SEC63: variants seen among roughly 807,000 people sequenced by gnomAD.
SEC63 encodes the protein translocation protein SEC63 homolog.
SEC63 carries 56 observed loss-of-function variants against 116.2 expected under a neutral mutation model. The ratio of observed to expected loss-of-function variants is 0.48; its 90% CI spans 0.39 to 0.60. The LOEUF (loss-of-function observed/expected upper bound fraction) is 0.60, where lower values mean the gene tolerates loss of function less well. Among genes scored for constraint, SEC63 ranks in the 20% least tolerant of loss-of-function variants. The probability of loss-of-function intolerance (pLI) is 0.00; values close to 1 mark genes in which losing one functional copy is unlikely to be tolerated. For synonymous variants in SEC63, 273 were observed against 294.6 expected (o/e 0.93, Z 0.75); for missense variants, 668 against 900.0 (o/e 0.74, Z 3.30).
Position 107,913,346 on chromosome 6 carries a change from A to G in SEC63, c.514+20T>C. 1 of 1,490,454 alleles carries G rather than the reference A, an allele frequency of 6.7e-7. No homozygotes were observed. 92.3% of individuals were successfully genotyped at this position (1,490,454 alleles called of 1,614,324 possible). A position where few individuals can be genotyped will look rare whatever the true frequency, so the allele number is the denominator to read the frequency against. On this transcript the variant is annotated intron_variant, in intron 5 of 20. Coordinates refer to ENST00000369002, the MANE Select transcript of SEC63 (RefSeq NM_007214.5). ...ATATATACCATATCGCCAATATTTTAAAATCATCATTTACCACACCTTGAG... is the reference window on the plus strand; with the variant it reads ...ATATATACCATATCGCCAATATTTTGAAATCATCATTTACCACACCTTGAG...
intron 1 of SEC63, chr6:107,954,468 AAAAAAAAAAAAATC>A (rs1223630680): frequency 8.9e-6 from 1 of 112,060 alleles, no homozygotes; most frequent in East Asian, 2.6e-4. Context: ...ATCAATTAAA[AAAAAAAAAAAAATC>A]AAAAAAAAAA....
chr6:107,869,336 G>C lies in SEC63; in HGVS notation c.*2368C>G, dbSNP rs1415491160. 2.6e-5 allele frequency: 4 copies of C among 152,186 alleles called. No homozygotes were observed. Among genetic ancestry groups the C allele is most frequent in the African/African-American group, 4.8e-5 (2 of 41,438 alleles). The allele number at this position is 152,186 out of a possible 1,614,324, so 9.4% of individuals were successfully genotyped here. ...ATACACAACTGCTACACTTTGAATTGTGGTAAGTCTCCTCATGAACAGCTG... is the reference window on the plus strand; with the variant it reads ...ATACACAACTGCTACACTTTGAATTCTGGTAAGTCTCCTCATGAACAGCTG... On this transcript the variant is annotated 3_prime_UTR_variant, in exon 21 of 21. Transcript: ENST00000369002.
intron 2 of SEC63, among the ~76,000 whole-genome samples, chr6:107,928,018 T>C (rs757720807): frequency 6.6e-6 from 1 of 152,262 alleles, no homozygotes; most frequent in South Asian, 2.1e-4. Context: ...GAGGGGCGGA[T>C]TGTTTTCTGT....
At chr6:107,917,755 C>T (rs764637474) in intron 4 of SEC63, among the ~76,000 whole-genome samples, 2 of 152,164 alleles carry the variant, frequency 1.3e-5, no homozygotes, top group Non-Finnish European at 2.9e-5. Context: ...AAGGCCCTAA[C>T]GAAGGCTGAG....
chr6:107,952,470 A>G (rs753485428), intron 1 of SEC63, among the ~76,000 whole-genome samples: 3 of 152,154 alleles, frequency 2.0e-5, no homozygotes, highest in African/African-American at 4.8e-5. Context: ...AAGATTAGTT[A>G]AACTGGGCCG....
intron 1 of SEC63, among the ~76,000 whole-genome samples, chr6:107,953,250 G>C (rs1031267923): frequency 6.6e-6 from 1 of 152,206 alleles, no homozygotes; most frequent in African/African-American, 2.4e-5. Flanking sequence ...ACAGAGCAAG[G>C]CTCCATCTCA....
chr6:107,958,057 A>G lies in SEC63; in HGVS notation c.-48T>C, dbSNP rs1423124353. On this transcript the variant is annotated 5_prime_UTR_variant, in exon 1 of 21. Transcript: ENST00000369002. ...TCTTCTCACCGCCGCCGCCACGACC[A>G]CGCTCTGCACTCCCGCTCCCAACGC... The G allele has an allele frequency of 6.3e-7, 1 of 1,599,672 alleles. No individual in the cohort carries two copies. The highest frequency in any genetic ancestry group is 1.1e-5 in the South Asian group (1 of 90,402).
intron 14 of SEC63, among the ~76,000 whole-genome samples, chr6:107,895,059 C>T (rs1255568386): frequency 1.3e-5 from 2 of 152,198 alleles, no homozygotes; most frequent in Non-Finnish European, 2.9e-5. Flanking sequence ...TAACTTCCTC[C>T]TTTCACTTAT....
At chr6:107,873,518 G>C (rs977695421) in intron 19 of SEC63, among the ~76,000 whole-genome samples, 1 of 151,874 alleles carries the variant, frequency 6.6e-6, no homozygotes, top group South Asian at 2.1e-4. Context: ...TTACAGTCAA[G>C]ATTAAATATT....
At chr6:107,908,112 T>A (rs1462272711) in intron 8 of SEC63, among the ~76,000 whole-genome samples, 3 of 152,224 alleles carry the variant, frequency 2.0e-5, no homozygotes, top group Non-Finnish European at 4.4e-5. Context: ...TCTCTCTCAT[T>A]ACTAAGAAAA....
chr6:107,912,339 CT>C (rs1440303204), intron 6 of SEC63, among the ~76,000 whole-genome samples: 6 of 152,174 alleles, frequency 3.9e-5, no homozygotes, highest in Admixed American at 3.9e-4. Context: ...TGGTGGGAGG[CT>C]GAGGCAGGCA....
chr6:107,875,515 G>A (rs1358241827), intron 19 of SEC63, among the ~76,000 whole-genome samples: 2 of 152,098 alleles, frequency 1.3e-5, no homozygotes, highest in Non-Finnish European at 1.5e-5. Flanking sequence ...TAGGCAACAT[G>A]GGTAAACCCT....
In SEC63 at chr6:107,883,090, T is replaced by A. The variant is rs1464359550; in HGVS notation, c.1731A>T (p.Glu577Asp). 10 of 1,612,988 alleles carry A rather than the reference T, an allele frequency of 6.2e-6. No homozygotes were observed. Among genetic ancestry groups the A allele is most frequent in the Non-Finnish European group, 7.6e-6 (9 of 1,179,560 alleles). Residue 577 changes from glutamate (E) to aspartate (D), a missense_variant, in exon 17 of 21, where the codon GAA becomes GAT. Coordinates refer to ENST00000369002, the MANE Select transcript of SEC63 (RefSeq NM_007214.5). ...EEVSDKGSDS[E>D]EEETNRDSQS... is the part of the protein sequence containing the mutation. ...GGGAATCTCTATTGGTTTCTTCTTC[T>A]TCAGAATCACTGCCCTTATCTGAAA...
rs55814816 is a variant in SEC63, at chr6:107,893,107, TACACAC to T, written c.1674+369_1674+374del. Among the ~76,000 whole-genome samples, 616 of 145,906 alleles carry T rather than the reference TACACAC, an allele frequency of 4.2e-3. 3 individuals carry two copies. The highest frequency in any genetic ancestry group is 0.014 in the Middle Eastern group (4 of 292). On this transcript the variant is annotated intron_variant, in intron 16 of 20. Transcript: ENST00000369002. ...GGTATATTCATACAATGAAATACTA[TACACAC>T]ACACACACACACACACACACACACA...
intron 1 of SEC63, among the ~76,000 whole-genome samples, chr6:107,939,635 T>C (rs1770330660): frequency 1.3e-5 from 2 of 151,996 alleles, no homozygotes. Context: ...CACCTGTTAC[T>C]GGGGATGCTG....
rs1416849034 is a variant in SEC63, at chr6:107,958,178, CT to C, written c.-170del. 4.9e-6 allele frequency: 5 copies of C among 1,020,102 alleles called. No individual in the cohort carries two copies. Among genetic ancestry groups the C allele is most frequent in the Non-Finnish European group, 7.2e-6 (5 of 693,142 alleles). 63.2% of individuals were successfully genotyped at this position (1,020,102 alleles called of 1,614,324 possible). A position where few individuals can be genotyped will look rare whatever the true frequency, so the allele number is the denominator to read the frequency against. On this transcript the variant is annotated 5_prime_UTR_variant, in exon 1 of 21. Coordinates refer to ENST00000369002, the MANE Select transcript of SEC63 (RefSeq NM_007214.5). ...GGACACGCCGCCGCCACCTCTGCCG[CT>C]GCCGCCGCCGTCGCCAGCTCTCGCG...
chr6:107,942,819 C>T (rs1477023874), intron 1 of SEC63, among the ~76,000 whole-genome samples: 3 of 152,190 alleles, frequency 2.0e-5, no homozygotes, highest in Non-Finnish European at 4.4e-5. Flanking sequence ...TTAAGAAAAT[C>T]ATAAGGAAGA....
chr6:107,909,527 CT>C (rs1410943490), intron 7 of SEC63, among the ~76,000 whole-genome samples: 1 of 152,120 alleles, frequency 6.6e-6, no homozygotes, highest in Non-Finnish European at 1.5e-5. Flanking sequence ...CAAGTGATTT[CT>C]TTAGCAAATA....
At position 107,883,081 on chromosome 6, in the gene SEC63, T is replaced by C. The variant is rs373273292; in HGVS notation, c.1740A>G (p.Glu580=). Residue 580 remains glutamate (E), a synonymous_variant, in exon 17 of 21, where the codon GAA becomes GAG. Coordinates refer to ENST00000369002, the MANE Select transcript of SEC63 (RefSeq NM_007214.5). ...TCTCACTTTGGGAATCTCTATTGGT[T>C]TCTTCTTCTTCAGAATCACTGCCCT... is the stretch of plus-strand genomic sequence containing the variant. ...SDKGSDSEEE[E]TNRDSQSEKD... 2 of 1,612,740 alleles carry C rather than the reference T, an allele frequency of 1.2e-6. No homozygotes were observed. Among genetic ancestry groups the C allele is most frequent in the Non-Finnish European group, 1.7e-6 (2 of 1,179,386 alleles).
Sources: allele counts gnomAD v4.1 joint callset (sites outside exome capture counted in the v4.1 genomes callset), GRCh38; gene constraint gnomAD v4.1.1; transcripts MANE v1.5; gene names NCBI Gene and HGNC (gene_info 2026-07-23, HGNC 2026-07-21).